The following HS6ST1 variants were observed in gnomAD, a reference collection of about 807,000 sequenced individuals.
The protein encoded by HS6ST1 is heparan-sulfate 6-O-sulfotransferase 1.
A neutral mutation model predicts 25.2 loss-of-function variants in HS6ST1; 3 were observed. The observed-to-expected ratio is 0.12, with a 90% CI of 0.05 to 0.31. The LOEUF is 0.31. Ranked by LOEUF, HS6ST1 falls within the 10% of genes least tolerant of loss-of-function variation. The pLI is 1.00. For synonymous variants in HS6ST1, 204 were observed against 275.1 expected, an observed-to-expected ratio of 0.74 and a Z score of 2.56; for missense variants, 310 against 609.6, an observed-to-expected ratio of 0.51 and a Z score of 5.18.
At position 128,267,595 on chromosome 2, in the gene HS6ST1, G is replaced by A. The variant is rs1467967240; in HGVS notation, c.*567C>T. 6.3e-6 allele frequency: 1 copy of A among 158,082 alleles called. No individual in the cohort carries two copies. Among genetic ancestry groups the A allele is most frequent in the Non-Finnish European group, 1.4e-5 (1 of 71,404 alleles). The allele number at this position is 158,082 out of a possible 1,614,324, so 9.8% of individuals were successfully genotyped here. ...GACTCGAGTCTTCTCTGCCTCAGAT[G>A]GGGTGGGCCCTGACTTTGAGGGAGC... On this transcript the variant is annotated 3_prime_UTR_variant, in exon 2 of 2. Coordinates refer to ENST00000259241, the MANE Select transcript of HS6ST1 (RefSeq NM_004807.3).
chr2:128,292,140 G>A (rs1194054521), intron 1 of HS6ST1, among the ~76,000 whole-genome samples: 1 of 152,168 alleles, frequency 6.6e-6, no homozygotes, highest in East Asian at 1.9e-4. Context: ...CCCAGCAAGA[G>A]TGCCAGGGAT....
At chr2:128,280,046 C>T (rs1407404180) in intron 1 of HS6ST1, among the ~76,000 whole-genome samples, 1 of 152,174 alleles carries the variant, frequency 6.6e-6, no homozygotes. Flanking sequence ...TGAGAACCTT[C>T]AGGAGGACGC....
Position 128,266,657 on chromosome 2 carries a change from A to C in HS6ST1, c.*1505T>G, listed in dbSNP as rs1484629680. 1 of 151,890 alleles carries C rather than the reference A, an allele frequency of 6.6e-6. No individual in the cohort carries two copies. Among genetic ancestry groups the C allele is most frequent in the Non-Finnish European group, 1.5e-5 (1 of 68,044 alleles). The allele number at this position is 151,890 out of a possible 1,614,324, so 9.4% of individuals were successfully genotyped here. The stretch of plus-strand genomic sequence containing the variant: ...AGTGGAAGCTGGGGCAGGAGAGAGG[A>C]CCCCCACCAACCCCAGCCAGGTGGC... On this transcript the variant is annotated 3_prime_UTR_variant, in exon 2 of 2. Coordinates refer to ENST00000259241, the MANE Select transcript of HS6ST1 (RefSeq NM_004807.3).
intron 1 of HS6ST1, among the ~76,000 whole-genome samples, chr2:128,314,522 G>T (rs1694333550): frequency 6.6e-6 from 1 of 152,196 alleles, no homozygotes; most frequent in South Asian, 2.1e-4. Context: ...ACTGAAGGGA[G>T]GGGAGGAGCA....
chr2:128,275,221 G>A (rs1693675542), intron 1 of HS6ST1, among the ~76,000 whole-genome samples: 1 of 152,160 alleles, frequency 6.6e-6, no homozygotes, highest in African/African-American at 2.4e-5. Context: ...GTAAATGATG[G>A]TTTTGAAGGC....
In HS6ST1 at chr2:128,267,654, C is replaced by T. The variant is rs1282804199; in HGVS notation, c.*508G>A. On this transcript the variant is annotated 3_prime_UTR_variant, in exon 2 of 2. Coordinates refer to ENST00000259241, the MANE Select transcript of HS6ST1 (RefSeq NM_004807.3). ...GGTGAGCTGGGGGCTCCCCAGGCCT[C>T]GGGGCATTGGGGGCAGCCAGAAGAG... The T allele has an allele frequency of 2.0e-4, 34 of 173,714 alleles. No individual in the cohort carries two copies. Among genetic ancestry groups the T allele is most frequent in the African/African-American group, 3.3e-4 (14 of 41,962 alleles). The allele number at this position is 173,714 out of a possible 1,614,324, so 10.8% of individuals were successfully genotyped here.
chr2:128,301,176 G>A (rs1178989616), intron 1 of HS6ST1, among the ~76,000 whole-genome samples: 1 of 149,752 alleles, frequency 6.7e-6, no homozygotes, highest in Non-Finnish European at 1.5e-5. Flanking sequence ...GTCGCCGGGG[G>A]CTGCATGGCT....
intron 1 of HS6ST1, among the ~76,000 whole-genome samples, chr2:128,296,227 C>A (rs1164265433): frequency 6.6e-6 from 1 of 152,152 alleles, no homozygotes; most frequent in East Asian, 1.9e-4. Context: ...GCTAAGACAG[C>A]CAGATATGAA....
At chr2:128,304,551 C>T (rs1177968256) in intron 1 of HS6ST1, among the ~76,000 whole-genome samples, 1 of 47,220 alleles carries the variant, frequency 2.1e-5, no homozygotes. Flanking sequence ...GACAGCTGCA[C>T]AGGACTCCAG....
intron 1 of HS6ST1, among the ~76,000 whole-genome samples, chr2:128,291,533 G>A (rs1693952423): frequency 6.6e-6 from 1 of 152,250 alleles, no homozygotes; most frequent in Admixed American, 6.5e-5. Flanking sequence ...GTCAGCGGGA[G>A]CAGCTGGCTT....
chr2:128,290,817 CAAAAA>C lies in HS6ST1; in HGVS notation c.528-21952_528-21948del, dbSNP rs57754041. On this transcript the variant is annotated intron_variant, in intron 1 of 1. Transcript: ENST00000259241. ...CGAAACACCGTCTCTACTAAAAATA[CAAAAA>C]AAAAAAAAAAAAAAAAAAAAAAATT... Among the ~76,000 whole-genome samples, 13 of 60,546 alleles carry C rather than the reference CAAAAA, an allele frequency of 2.1e-4. No individual in the cohort carries two copies. In the South Asian group the frequency reaches 6.3e-3, roughly 29 times the overall value. The allele number at this position is 60,546 out of a possible 152,430, so 39.7% of individuals were successfully genotyped here.
At chr2:128,314,886 C>G (rs1694338351) in intron 1 of HS6ST1, among the ~76,000 whole-genome samples, 1 of 152,232 alleles carries the variant, frequency 6.6e-6, no homozygotes, top group African/African-American at 2.4e-5. Flanking sequence ...GTGGCCCGGG[C>G]AAGACCTTGA....
intron 1 of HS6ST1, among the ~76,000 whole-genome samples, chr2:128,307,790 C>A (rs2104934958): frequency 6.6e-6 from 1 of 152,276 alleles, no homozygotes; most frequent in South Asian, 2.1e-4. Context: ...ACCACGGGCA[C>A]AGCATGGTGG....
At chr2:128,283,647 CTG>C (rs1693818746) in intron 1 of HS6ST1, among the ~76,000 whole-genome samples, 1 of 152,182 alleles carries the variant, frequency 6.6e-6, no homozygotes, top group East Asian at 1.9e-4. Context: ...AGCATGTCTT[CTG>C]CAGCCTCGGC....
chr2:128,271,324 A>G (rs1349567639), intron 1 of HS6ST1, among the ~76,000 whole-genome samples: 2 of 152,150 alleles, frequency 1.3e-5, no homozygotes, highest in African/African-American at 4.8e-5. Context: ...CCTGCTGGTC[A>G]TGTCTGGAGC....
chr2:128,288,020 G>GT (rs34794180), intron 1 of HS6ST1, among the ~76,000 whole-genome samples: 30,026 of 152,254 alleles, frequency 0.2, 4,257 homozygotes, highest in East Asian at 0.76. Flanking sequence ...TCAGGAGAAG[G>GT]TGACAGTGCC....
chr2:128,293,300 G>A (rs1297130290), intron 1 of HS6ST1, among the ~76,000 whole-genome samples: 1 of 152,246 alleles, frequency 6.6e-6, no homozygotes, highest in Non-Finnish European at 1.5e-5. Flanking sequence ...GCCTGCCCAA[G>A]GGCCAGCCTG....
intron 1 of HS6ST1, among the ~76,000 whole-genome samples, chr2:128,297,367 A>G (rs1260996462): frequency 6.6e-6 from 1 of 152,220 alleles, no homozygotes; most frequent in East Asian, 1.9e-4. Context: ...TTATACATAG[A>G]AATTAACTCA....
At chr2:128,309,088 C>A (rs1350471198) in intron 1 of HS6ST1, among the ~76,000 whole-genome samples, 1 of 152,252 alleles carries the variant, frequency 6.6e-6, no homozygotes, top group Non-Finnish European at 1.5e-5. Context: ...GGTCTGACTG[C>A]AAGCCTGGGG....
Sources: gnomAD v4.1 joint callset for allele counts (sites outside exome capture counted in the v4.1 genomes callset) on GRCh38, gnomAD v4.1.1 for gene constraint, MANE v1.5 for transcripts, NCBI Gene and HGNC (gene_info 2026-07-23, HGNC 2026-07-21) for gene names.